MYLK4: variants seen among roughly 807,000 people sequenced by gnomAD.
MYLK4 encodes caMLCK like.
In MYLK4, 46 loss-of-function variants were observed where a neutral mutation model predicts 48.1. The observed-to-expected ratio is 0.96, with a 90% CI of 0.75 to 1.22. The LOEUF (loss-of-function observed/expected upper bound fraction) is 1.22. MYLK4 is among the 50% of genes most tolerant of loss of function. MYLK4 has a pLI of 0.00. For missense variants in MYLK4, 451 were observed against 486.1 expected (o/e 0.93, Z 0.68); for synonymous variants, 170 against 180.8 (o/e 0.94, Z 0.48).
At chr6:2,765,671 C>G in the MYLK4 span, 5 of 1,553,084 alleles carry the variant, frequency 3.2e-6, no homozygotes, top group Non-Finnish European at 3.5e-6. Flanking sequence ...GCAGCTGCAC[C>G]AGGTGCAGTG....
At chr6:2,743,156 G>A (rs558437970) in intron 2 of MYLK4, among the ~76,000 whole-genome samples, 4 of 152,266 alleles carry the variant, frequency 2.6e-5, no homozygotes, top group Middle Eastern at 6.8e-3. Context: ...GGAGGGGGTG[G>A]ATGATAATGA....
intron 2 of MYLK4, among the ~76,000 whole-genome samples, chr6:2,742,075 G>C (rs1763916341): frequency 6.8e-6 from 1 of 147,970 alleles, no homozygotes; most frequent in Admixed American, 6.7e-5. Flanking sequence ...AATGTTTTAT[G>C]ATTGCTTACT....
intron 3 of MYLK4, among the ~76,000 whole-genome samples, chr6:2,692,022 A>ATT (rs981338086): frequency 6.6e-6 from 1 of 152,160 alleles, no homozygotes; most frequent in Admixed American, 6.5e-5. Flanking sequence ...ACACGTATTG[A>ATT]TTTTTATTTT....
the MYLK4 span, among the ~76,000 whole-genome samples, chr6:2,762,660 G>C: frequency 6.6e-6 from 1 of 152,222 alleles, no homozygotes; most frequent in Non-Finnish European, 1.5e-5. Context: ...CGCAGTCAAT[G>C]AGTTTTTACT....
At chr6:2,693,853 G>C (rs547133464) in intron 2 of MYLK4, among the ~76,000 whole-genome samples, 159 of 150,828 alleles carry the variant, frequency 1.1e-3, no homozygotes, top group African/African-American at 3.8e-3. Context: ...CAACTCCCGG[G>C]TTCAGGCGAT....
chr6:2,684,474 T>C (rs1246324190), intron 6 of MYLK4, among the ~76,000 whole-genome samples: 2 of 152,182 alleles, frequency 1.3e-5, no homozygotes, highest in African/African-American at 4.8e-5. Flanking sequence ...TCAAAATGCC[T>C]TATTGAGGAA....
chr6:2,769,997 T>C, the MYLK4 span: 1 of 1,388,542 alleles, frequency 7.2e-7, no homozygotes, highest in South Asian at 1.3e-5. Context: ...ATAAGGCTGC[T>C]GCTATTCCTG....
At position 2,666,206 on chromosome 6, in the gene MYLK4, A is replaced by G. The variant is rs923981630; in HGVS notation, c.*1719T>C. The G allele has an allele frequency of 2.6e-4, 40 of 152,222 alleles. 1 individual carries two copies. The highest frequency in any genetic ancestry group is 9.2e-4 in the African/African-American group (38 of 41,462). The allele number at this position is 152,222 out of a possible 1,614,324, so 9.4% of individuals were successfully genotyped here. A position where few individuals can be genotyped will look rare whatever the true frequency, so the allele number is the denominator to read the frequency against. ...TTGCACACATTCACGGCATGCTGTA[A>G]GGATTCCTTAAGTGGATCTGAGAGA... On this transcript the variant is annotated 3_prime_UTR_variant, in exon 13 of 13. Coordinates refer to ENST00000274643, the MANE Select transcript of MYLK4 (RefSeq NM_001012418.5).
intron 2 of MYLK4, among the ~76,000 whole-genome samples, chr6:2,707,244 A>C (rs9328122): frequency 0.89 from 136,158 of 152,240 alleles, 60,961 homozygotes; most frequent in East Asian, 1. Flanking sequence ...TCCAACTATT[A>C]TGGCCATATC....
intron 2 of MYLK4, among the ~76,000 whole-genome samples, chr6:2,725,499 G>A (rs1001276641): frequency 1.0e-4 from 15 of 150,066 alleles, no homozygotes; most frequent in African/African-American, 3.7e-4. Flanking sequence ...GAAAGAGAGG[G>A]GGAGAGAGAG....
intron 2 of MYLK4, among the ~76,000 whole-genome samples, chr6:2,726,190 T>C (rs1268865630): frequency 6.6e-6 from 1 of 152,220 alleles, no homozygotes; most frequent in Non-Finnish European, 1.5e-5. Flanking sequence ...GGAAAACATA[T>C]ACTGTTATTA....
At chr6:2,755,651 G>A (rs1277713201), upstream of MYLK4, among the ~76,000 whole-genome samples, 2 of 152,128 alleles carry the variant, frequency 1.3e-5, no homozygotes, top group Non-Finnish European at 2.9e-5. Flanking sequence ...TGATCCTCCT[G>A]CCTCAGCCCT....
chr6:2,700,335 T>C (rs1762238645), intron 2 of MYLK4, among the ~76,000 whole-genome samples: 1 of 152,204 alleles, frequency 6.6e-6, no homozygotes, highest in African/African-American at 2.4e-5. Context: ...AAACTGGGTC[T>C]TGAGTGGGGC....
chr6:2,762,846 G>T, the MYLK4 span, among the ~76,000 whole-genome samples: 1 of 152,154 alleles, frequency 6.6e-6, no homozygotes, highest in Non-Finnish European at 1.5e-5. Context: ...TAAGTTAGCC[G>T]TTCCTGCCAG....
chr6:2,680,451 GT>G (rs1761252403), intron 7 of MYLK4, 160 bp from the exon 8 acceptor site: 1 of 985,280 alleles, frequency 1.0e-6, no homozygotes, highest in African/African-American at 1.7e-5. Flanking sequence ...CTTTAATTAT[GT>G]GGTGGATGAG....
At chr6:2,769,999 C>A in the MYLK4 span, 1 of 1,399,196 alleles carries the variant, frequency 7.1e-7, no homozygotes, top group Non-Finnish European at 9.8e-7. Context: ...AAGGCTGCTG[C>A]TATTCCTGAA....
intron 7 of MYLK4, 42 bp from the exon 8 acceptor site, chr6:2,680,333 C>A (rs1448822098): frequency 1.2e-6 from 2 of 1,612,060 alleles, no homozygotes; most frequent in African/African-American, 2.7e-5. Context: ...AAACAACCAT[C>A]ATTCACTCAA....
chr6:2,718,292 T>C (rs1422688193), intron 2 of MYLK4, among the ~76,000 whole-genome samples: 2 of 152,180 alleles, frequency 1.3e-5, no homozygotes, highest in East Asian at 3.8e-4. Flanking sequence ...TGATTCCAGA[T>C]GTACTTCCAA....
chr6:2,736,620 A>G lies in MYLK4; in HGVS notation c.159+12516T>C, dbSNP rs531355654. On this transcript the variant is annotated intron_variant, in intron 2 of 12. Transcript: ENST00000274643. ...CATTATGTTATGGTGAACTAGCTTC[A>G]GAGCTAGACTGTATGCCTGGTGGCT... Among the ~76,000 whole-genome samples the G allele has an allele frequency of 2.0e-5, 3 of 152,382 alleles. No individual in the cohort carries two copies. In the East Asian group the frequency reaches 5.8e-4, roughly 29 times the overall value.
Sources: gnomAD v4.1 joint callset for allele counts (sites outside exome capture counted in the v4.1 genomes callset) on GRCh38, gnomAD v4.1.1 for gene constraint, MANE v1.5 for transcripts, NCBI Gene and HGNC (gene_info 2026-07-23, HGNC 2026-07-21) for gene names.